PALLD: variants seen among roughly 807,000 people sequenced by gnomAD.
PALLD encodes palladin.
PALLD carries 61 observed loss-of-function variants against 123.5 expected under a neutral mutation model. The ratio of observed to expected loss-of-function variants is 0.49; its 90% confidence interval spans 0.40 to 0.61. The LOEUF is 0.61. PALLD is among the 20% of genes least tolerant of loss of function. PALLD has a pLI of 0.00. For synonymous variants in PALLD, 465 were observed against 496.4 expected (o/e 0.94, Z 0.84); for missense variants, 1,273 against 1,377.0 (o/e 0.92, Z 1.20).
At chr4:168,517,072 C>T (rs1039408811) in intron 2 of PALLD, among the ~76,000 whole-genome samples, 1 of 152,118 alleles carries the variant, frequency 6.6e-6, no homozygotes, top group Non-Finnish European at 1.5e-5. Context: ...ACAGGGAATG[C>T]GCCACAGGAA....
intron 2 of PALLD, among the ~76,000 whole-genome samples, chr4:168,595,272 A>C (rs1334799281): frequency 6.6e-6 from 1 of 152,162 alleles, no homozygotes; most frequent in Admixed American, 6.5e-5. Context: ...ATACTGGGCT[A>C]TTTTAAGTTT....
chr4:168,679,343 GGT>G (rs1781279657), intron 3 of PALLD, among the ~76,000 whole-genome samples: 1 of 110,422 alleles, frequency 9.1e-6, no homozygotes, highest in African/African-American at 3.5e-5. Flanking sequence ...GTGTGTGGTG[GGT>G]GTGTGGTGGG....
At chr4:168,609,126 G>A (rs1183628207) in intron 2 of PALLD, among the ~76,000 whole-genome samples, 2 of 151,976 alleles carry the variant, frequency 1.3e-5, no homozygotes, top group African/African-American at 2.4e-5. Context: ...TGTGGCTCGG[G>A]TCAAGATACA....
At chr4:168,700,270 G>A (rs1783551200) in intron 8 of PALLD, 2 of 153,694 alleles carry the variant, frequency 1.3e-5, no homozygotes, top group African/African-American at 4.8e-5. Flanking sequence ...AAATTATCTA[G>A]CAAAAATTGC....
chr4:168,711,657 T>A lies in PALLD; in HGVS notation c.1698T>A (p.Pro566=). ...ACTTCCAACACTTTCCACCTCCCCC[T>A]CCAATCTTGGAGACAAGTTCCTTGG... The part of the protein sequence containing the change: ...NDHFQHFPPP[P]PILETSSLEL... Residue 566 remains proline, a synonymous_variant, in exon 10 of 22, where the codon CCT becomes CCA. Transcript: ENST00000505667. 1 of 1,613,976 alleles carries A rather than the reference T, an allele frequency of 6.2e-7. No homozygotes were observed. The highest frequency in any genetic ancestry group is 8.5e-7 in the Non-Finnish European group (1 of 1,179,954).
intron 1 of PALLD, among the ~76,000 whole-genome samples, chr4:168,503,237 C>T (rs371925925): frequency 2.6e-5 from 4 of 152,138 alleles, no homozygotes; most frequent in Non-Finnish European, 4.4e-5. Flanking sequence ...CTGTGAGAAA[C>T]GCAATGCAAA....
At chr4:168,771,012 T>C (rs1001523209) in intron 10 of PALLD, among the ~76,000 whole-genome samples, 5 of 151,154 alleles carry the variant, frequency 3.3e-5, no homozygotes, top group African/African-American at 1.2e-4. Flanking sequence ...GTGGCCAAGA[T>C]TGCACCACTG....
intron 3 of PALLD, among the ~76,000 whole-genome samples, chr4:168,671,273 G>T (rs1260872955): frequency 1.3e-5 from 2 of 152,152 alleles, no homozygotes; most frequent in African/African-American, 2.4e-5. Context: ...AAAAGCCTCT[G>T]AACTGCCAGT....
intron 10 of PALLD, among the ~76,000 whole-genome samples, chr4:168,846,126 A>G (rs1746806391): frequency 6.6e-6 from 1 of 152,140 alleles, no homozygotes; most frequent in Non-Finnish European, 1.5e-5. Flanking sequence ...ATGTACAAAT[A>G]TTGACTTGTC....
At chr4:168,694,365 GTT>G (rs1012582365) in intron 8 of PALLD, among the ~76,000 whole-genome samples, 9 of 152,082 alleles carry the variant, frequency 5.9e-5, no homozygotes, top group African/African-American at 2.2e-4. Flanking sequence ...TAAGCATTCT[GTT>G]TTTATTACTG....
intron 2 of PALLD, among the ~76,000 whole-genome samples, chr4:168,617,422 G>C (rs1302734238): frequency 6.6e-6 from 1 of 152,172 alleles, no homozygotes; most frequent in Non-Finnish European, 1.5e-5. Flanking sequence ...AGTCCATTGT[G>C]GGGGATGAGA....
At position 168,509,585 on chromosome 4, in the gene PALLD, A is replaced by G. The variant is rs192630274; in HGVS notation, c.-82-1838A>G. Among the ~76,000 whole-genome samples, 311 of 152,302 alleles carry G rather than the reference A, an allele frequency of 2.0e-3. 1 individual carries two copies. The highest frequency in any genetic ancestry group is 7.2e-3 in the African/African-American group (300 of 41,564). On this transcript the variant is annotated intron_variant, in intron 1 of 21. Transcript: ENST00000505667. ...CTATCCTGCAGCACAGACTGGACAA[A>G]GGAATTAGAGTGATATTTGGGTTAG...
intron 10 of PALLD, among the ~76,000 whole-genome samples, chr4:168,756,717 A>G (rs1171796010): frequency 6.6e-6 from 1 of 152,198 alleles, no homozygotes; most frequent in Non-Finnish European, 1.5e-5. Context: ...ATACATTTCC[A>G]TATGGGAATG....
intron 10 of PALLD, among the ~76,000 whole-genome samples, chr4:168,736,211 C>G (rs1292562226): frequency 5.3e-5 from 8 of 152,194 alleles, no homozygotes; most frequent in African/African-American, 1.7e-4. Flanking sequence ...AGTGTTTGCA[C>G]TGATAATTAA....
intron 2 of PALLD, among the ~76,000 whole-genome samples, chr4:168,512,742 G>T (rs1478489014): frequency 6.6e-6 from 1 of 152,196 alleles, no homozygotes; most frequent in Non-Finnish European, 1.5e-5. Context: ...TCGAAGTACT[G>T]TGAAAAGTGT....
intron 10 of PALLD, among the ~76,000 whole-genome samples, chr4:168,761,645 G>GTTTTTTTTTTTTTGTTTTTTTTT (rs1732878013): frequency 2.3e-5 from 2 of 88,024 alleles, no homozygotes; most frequent in African/African-American, 8.3e-5. Flanking sequence ...GTTGTTGTTT[G>GTTTTTTTTTTTTTGTTTTTTTTT]TTTTTTTTTT....
intron 2 of PALLD, among the ~76,000 whole-genome samples, chr4:168,535,960 T>G (rs562908146): frequency 1.3e-4 from 20 of 152,284 alleles, no homozygotes; most frequent in Non-Finnish European, 2.8e-4. Flanking sequence ...CAAGAACACT[T>G]AAAGAACTCT....
intron 2 of PALLD, chr4:168,598,287 C>A: frequency 2.4e-6 from 1 of 420,272 alleles, no homozygotes. Context: ...TCTACAAGAT[C>A]TGAAACATCC....
intron 10 of PALLD, among the ~76,000 whole-genome samples, chr4:168,804,153 C>T (rs11132505): frequency 0.17 from 25,418 of 152,174 alleles, 2,251 homozygotes; most frequent in East Asian, 0.22. Flanking sequence ...AATGTATCCT[C>T]ACAGATTTAA....
Sources: gnomAD v4.1 joint callset for allele counts (sites outside exome capture counted in the v4.1 genomes callset) on GRCh38, gnomAD v4.1.1 for gene constraint, MANE v1.5 for transcripts, NCBI Gene and HGNC (gene_info 2026-07-23, HGNC 2026-07-21) for gene names.